Variants in CPNE5 observed in about 807,000 individuals in gnomAD.
The protein encoded by CPNE5 is copine 5.
A neutral mutation model predicts 81.1 loss-of-function variants in CPNE5; 42 were observed. The ratio of observed to expected loss-of-function variants is 0.52; its 90% CI spans 0.40 to 0.67. The LOEUF is 0.67. CPNE5 is among the 30% of genes least tolerant of loss of function. The pLI, the probability that CPNE5 is intolerant of heterozygous loss-of-function variation, is 0.00. For missense variants in CPNE5, 612 were observed against 815.5 expected (o/e 0.75, Z 3.04); for synonymous variants, 313 against 321.5 (o/e 0.97, Z 0.28).
intron 13 of CPNE5, chr6:36,755,145 C>G (rs1765285184): frequency 6.6e-6 from 1 of 152,224 alleles, no homozygotes; most frequent in African/African-American, 2.4e-5. Flanking sequence ...ATTTATTAGT[C>G]CTACTTTACA....
At chr6:36,806,679 A>G (rs1035608477) in intron 3 of CPNE5, among the ~76,000 whole-genome samples, 2 of 152,188 alleles carry the variant, frequency 1.3e-5, no homozygotes, top group Non-Finnish European at 2.9e-5. Flanking sequence ...TCTCACAAAC[A>G]TGTTTACACA....
chr6:36,760,217 T>TAAAAA (rs3046065), intron 12 of CPNE5, among the ~76,000 whole-genome samples: 76 of 138,474 alleles, frequency 5.5e-4, no homozygotes, highest in Non-Finnish European at 9.9e-4. Context: ...GACTCCATCT[T>TAAAAA]AAAAAAAAAA....
chr6:36,787,083 A>G (rs753407001), intron 8 of CPNE5, among the ~76,000 whole-genome samples: 2 of 152,106 alleles, frequency 1.3e-5, no homozygotes, highest in Non-Finnish European at 2.9e-5. Flanking sequence ...CTCAGCCACA[A>G]CACACGACTC....
chr6:36,815,136 C>T (rs375884023), intron 3 of CPNE5, among the ~76,000 whole-genome samples: 60 of 146,276 alleles, frequency 4.1e-4, no homozygotes, highest in East Asian at 8.0e-4. Context: ...CCAGCCTGGG[C>T]GACATAGCAA....
rs1184273560 is a variant in CPNE5, at chr6:36,808,102, T to TC, written c.184-8033_184-8032insG. ...TCCAGATTTCTTTTCTTTTTTCTTT[T>TC]TTTTTTGAGAGGAGTTTTGCTCTTG... On this transcript the variant is annotated intron_variant, in intron 3 of 20. Transcript: ENST00000244751. Among the ~76,000 whole-genome samples, 8 of 151,878 alleles carry TC rather than the reference T, an allele frequency of 5.3e-5. No homozygotes were observed. In the East Asian group the frequency reaches 1.5e-3, roughly 29 times the overall value.
intron 3 of CPNE5, among the ~76,000 whole-genome samples, chr6:36,820,645 A>C (rs1771966870): frequency 6.6e-6 from 1 of 151,850 alleles, no homozygotes; most frequent in Non-Finnish European, 1.5e-5. Flanking sequence ...CATGACAAAC[A>C]AGGTAAATAA....
intron 7 of CPNE5, among the ~76,000 whole-genome samples, chr6:36,792,742 C>G (rs1343069895): frequency 6.6e-6 from 1 of 152,156 alleles, no homozygotes. Context: ...GCACATCCCT[C>G]CAGGAGGGCA....
chr6:36,827,638 AGCGC>A, intron 1 of CPNE5: 1 of 985,388 alleles, frequency 1.0e-6, no homozygotes, highest in South Asian at 4.7e-5. Context: ...TTCGAGGTAA[AGCGC>A]CTTCCCCACT....
At chr6:36,785,329 T>G (rs1308476438) in intron 8 of CPNE5, among the ~76,000 whole-genome samples, 2 of 152,078 alleles carry the variant, frequency 1.3e-5, no homozygotes, top group Non-Finnish European at 2.9e-5. Flanking sequence ...TGTGCAAAAT[T>G]TAAAGGGGGC....
At chr6:36,775,168 C>A in intron 9 of CPNE5, 103 bp from the exon 10 acceptor site, 2 of 810,814 alleles carry the variant, frequency 2.5e-6, no homozygotes, top group Non-Finnish European at 4.2e-6. Flanking sequence ...GGTTCCTGGA[C>A]GACGGAAATG....
intron 7 of CPNE5, 130 bp downstream of exon 7, chr6:36,794,460 C>T (rs1275679559): frequency 1.6e-5 from 13 of 825,280 alleles, no homozygotes; most frequent in South Asian, 1.5e-4. Context: ...GAACCCAGGA[C>T]TCTCTGTCCC....
chr6:36,806,053 T>C (rs1250814616), intron 3 of CPNE5, among the ~76,000 whole-genome samples: 1 of 152,130 alleles, frequency 6.6e-6, no homozygotes, highest in African/African-American at 2.4e-5. Flanking sequence ...AGAACCCAGG[T>C]TGGGCAAGCA....
chr6:36,743,803 GGTGGACCCCTGGCCCTAGCAGGAGA>G, intron 19 of CPNE5, 41 bp from the exon 20 acceptor site: 1 of 1,542,908 alleles, frequency 6.5e-7, no homozygotes, highest in South Asian at 1.1e-5. Context: ...TGAGATTAAC[GGTGGACCCCTGGCCCTAGCAGGAGA>G]GTGGACTTGT....
chr6:36,776,926 G>A (rs1050945060), intron 9 of CPNE5, among the ~76,000 whole-genome samples: 5 of 152,146 alleles, frequency 3.3e-5, no homozygotes, highest in Admixed American at 2.0e-4. Flanking sequence ...TCTCACCAGC[G>A]CAGCCATCGC....
At chr6:36,825,617 A>G (rs1336700361) in intron 1 of CPNE5, among the ~76,000 whole-genome samples, 1 of 152,214 alleles carries the variant, frequency 6.6e-6, no homozygotes, top group Non-Finnish European at 1.5e-5. Flanking sequence ...GATGAACGAT[A>G]AACAAGGCAT....
chr6:36,765,741 T>G, intron 10 of CPNE5, among the ~76,000 whole-genome samples: 1 of 147,940 alleles, frequency 6.8e-6, no homozygotes, highest in Non-Finnish European at 1.5e-5. Context: ...GAGGTGGGAG[T>G]GTGGTGCTCC....
At chr6:36,811,974 T>G in intron 3 of CPNE5, among the ~76,000 whole-genome samples, 1 of 151,558 alleles carries the variant, frequency 6.6e-6, no homozygotes, top group South Asian at 2.1e-4. Flanking sequence ...GGTGGTGGCA[T>G]ATGCCTGTAA....
chr6:36,759,301 C>T (rs1765789492), intron 12 of CPNE5, among the ~76,000 whole-genome samples: 2 of 152,290 alleles, frequency 1.3e-5, no homozygotes, highest in Non-Finnish European at 1.5e-5. Context: ...CCAGCCTCAG[C>T]CTCTCCAGCC....
intron 20 of CPNE5, chr6:36,743,248 A>G: frequency 8.1e-6 from 8 of 985,266 alleles, no homozygotes; most frequent in Non-Finnish European, 7.2e-6. Context: ...CTGAGGACAA[A>G]GGTCTTTCTG....
Sources: gnomAD v4.1 joint callset for allele counts (sites outside exome capture counted in the v4.1 genomes callset) on GRCh38, gnomAD v4.1.1 for gene constraint, MANE v1.5 for transcripts, NCBI Gene and HGNC (gene_info 2026-07-23, HGNC 2026-07-21) for gene names.